The following TENM3 variants were observed in gnomAD, a reference collection of about 807,000 sequenced individuals.
The protein encoded by TENM3 is teneurin-3.
In TENM3, 63 loss-of-function variants were observed where a neutral mutation model predicts 255.1. That is an observed-to-expected ratio of 0.25 (90% CI 0.20 to 0.30). The LOEUF (loss-of-function observed/expected upper bound fraction) is 0.30. Ranked by LOEUF, TENM3 falls within the 10% of genes least tolerant of loss-of-function variation. The pLI is 1.00. For missense variants in TENM3, 2,929 were observed against 3,461.1 expected (o/e 0.85, Z 3.86); for synonymous variants, 1,306 against 1,322.3 (o/e 0.99, Z 0.27).
At chr4:181,580,317 A>G in the TENM3 span, among the ~76,000 whole-genome samples, 1 of 152,050 alleles carries the variant, frequency 6.6e-6, no homozygotes, top group African/African-American at 2.4e-5. Context: ...CTACAAAATT[A>G]AAGGGAGCAC....
At chr4:182,648,129 C>A (rs940690092) in intron 5 of TENM3, among the ~76,000 whole-genome samples, 3 of 152,082 alleles carry the variant, frequency 2.0e-5, no homozygotes, top group Non-Finnish European at 4.4e-5. Flanking sequence ...CCTCTTCGGG[C>A]TGGAGCACAG....
chr4:182,547,786 T>G (rs1390678556), intron 3 of TENM3, among the ~76,000 whole-genome samples: 1 of 152,206 alleles, frequency 6.6e-6, no homozygotes, highest in Non-Finnish European at 1.5e-5. Context: ...AACTTGCTCC[T>G]TGATAGCTCC....
At chr4:181,876,374 T>C in the TENM3 span, among the ~76,000 whole-genome samples, 1 of 152,200 alleles carries the variant, frequency 6.6e-6, no homozygotes, top group Non-Finnish European at 1.5e-5. Context: ...TTTCATTAAG[T>C]GGAAGGTTTT....
intron 4 of TENM3, among the ~76,000 whole-genome samples, chr4:182,626,278 G>A (rs1444678807): frequency 6.6e-6 from 1 of 151,978 alleles, no homozygotes; most frequent in Non-Finnish European, 1.5e-5. Context: ...TGTAAACCAG[G>A]GAATTAATTT....
At chr4:181,834,440 G>A in the TENM3 span, among the ~76,000 whole-genome samples, 6 of 152,226 alleles carry the variant, frequency 3.9e-5, no homozygotes, top group East Asian at 3.8e-4. Context: ...GGGGCTTACC[G>A]CATAAGGGAG....
chr4:181,710,403 G>T, the TENM3 span, among the ~76,000 whole-genome samples: 2 of 152,022 alleles, frequency 1.3e-5, no homozygotes, highest in African/African-American at 4.8e-5. Context: ...CCACATGAAG[G>T]TATTCCTGTA....
At chr4:181,540,255 A>T in the TENM3 span, among the ~76,000 whole-genome samples, 1 of 152,208 alleles carries the variant, frequency 6.6e-6, no homozygotes, top group South Asian at 2.1e-4. Flanking sequence ...GAACTGTTGG[A>T]TTATAATCCG....
the TENM3 span, among the ~76,000 whole-genome samples, chr4:181,510,598 C>G: frequency 0.13 from 20,005 of 152,050 alleles, 1,387 homozygotes; most frequent in East Asian, 0.26. Context: ...AAAAAGGAAA[C>G]AGATGTGTCA....
chr4:182,214,001 CTTG>C (rs1381238723), intron 1 of TENM3, among the ~76,000 whole-genome samples: 3 of 152,208 alleles, frequency 2.0e-5, no homozygotes, highest in Non-Finnish European at 4.4e-5. Flanking sequence ...CGGGGTTTCA[CTTG>C]TGTTAGCCAG....
chr4:182,792,640 A>C lies in TENM3; in HGVS notation c.5968A>C (p.Thr1990Pro). The C allele has an allele frequency of 6.2e-7, 1 of 1,613,994 alleles. No homozygotes were observed. Among genetic ancestry groups the C allele is most frequent in the Non-Finnish European group, 8.5e-7 (1 of 1,179,880 alleles). Reference protein sequence around the residue: ...VNLQSDGFICTIRYRQIGPLI... With the variant: ...VNLQSDGFICPIRYRQIGPLI... ...CCTCCAGAGTGATGGTTTTATTTGC[A>C]CCATTAGATACAGGCAAATTGGTCC... Residue 1990 changes from threonine to proline, a missense_variant, in exon 26 of 28, where the codon ACC becomes CCC. Coordinates refer to ENST00000511685, the MANE Select transcript of TENM3 (RefSeq NM_001080477.4). This position sits in a 1 kb window ranked among gnomAD's most constrained non-coding sequence, Gnocchi z 6.3.
chr4:181,677,331 GAGTTC>G, the TENM3 span, among the ~76,000 whole-genome samples: 3 of 152,052 alleles, frequency 2.0e-5, no homozygotes, highest in Non-Finnish European at 4.4e-5. Flanking sequence ...CCAAACTTTA[GAGTTC>G]GTTGGTCTTC....
chr4:182,392,962 T>C (rs908104681), intron 3 of TENM3, among the ~76,000 whole-genome samples: 1 of 152,156 alleles, frequency 6.6e-6, no homozygotes, highest in African/African-American at 2.4e-5. Context: ...TGATGAGATT[T>C]GTGAGTATCT....
intron 1 of TENM3, among the ~76,000 whole-genome samples, chr4:182,161,159 G>A (rs1751126362): frequency 6.9e-6 from 1 of 145,134 alleles, no homozygotes; most frequent in Non-Finnish European, 1.5e-5. Flanking sequence ...GCTCACGCCT[G>A]TAATCCCAGC....
the TENM3 span, among the ~76,000 whole-genome samples, chr4:181,505,429 C>G: frequency 0.13 from 20,197 of 152,134 alleles, 1,408 homozygotes; most frequent in Middle Eastern, 0.17. Flanking sequence ...GTTTAATTTT[C>G]TTTGAACAAC....
chr4:182,718,313 C>G lies in TENM3; in HGVS notation c.2368+4080C>G, dbSNP rs144195935. 5.3e-5 allele frequency among the ~76,000 whole-genome samples: 8 copies of G among 152,270 alleles called. No homozygotes were observed. In the East Asian group the frequency reaches 1.4e-3, roughly 26 times the overall value. On this transcript the variant is annotated intron_variant, in intron 13 of 27. Coordinates refer to ENST00000511685, the MANE Select transcript of TENM3 (RefSeq NM_001080477.4). Reference sequence around the variant, plus strand: ...CTTCTACCTTAGAATCATTCTCAGGCCATCTCCTCCCCAAAAAGGCCACCA... The same window carrying G: ...CTTCTACCTTAGAATCATTCTCAGGGCATCTCCTCCCCAAAAAGGCCACCA...
the TENM3 span, among the ~76,000 whole-genome samples, chr4:181,818,417 A>C: frequency 6.6e-6 from 1 of 152,134 alleles, no homozygotes; most frequent in East Asian, 1.9e-4. Flanking sequence ...CCAACTTCAA[A>C]ACTTCTCTTC....
the TENM3 span, among the ~76,000 whole-genome samples, chr4:181,519,925 A>G: frequency 6.6e-6 from 1 of 152,192 alleles, no homozygotes; most frequent in Admixed American, 6.5e-5. Context: ...CAATACCCAC[A>G]TGACTCGTTC....
At chr4:181,768,792 C>A in the TENM3 span, among the ~76,000 whole-genome samples, 1 of 152,052 alleles carries the variant, frequency 6.6e-6, no homozygotes, top group South Asian at 2.1e-4. Context: ...TTATGGCCCT[C>A]AATGTTTTCT....
chr4:182,298,983 T>TAA (rs1761670748), intron 1 of TENM3, among the ~76,000 whole-genome samples: 1 of 5,466 alleles, frequency 1.8e-4, no homozygotes, highest in Non-Finnish European at 3.8e-4. Context: ...AGACTCCTTC[T>TAA]CAAAAAAAAA....
Sources: gnomAD v4.1 joint callset for allele counts (sites outside exome capture counted in the v4.1 genomes callset) on GRCh38, gnomAD v4.1.1 for gene constraint, Gnocchi (gnomAD v3.1) non-coding constraint, MANE v1.5 for transcripts, NCBI Gene and HGNC (gene_info 2026-07-23, HGNC 2026-07-21) for gene names.